OBSL1: variants seen among roughly 807,000 people sequenced by gnomAD.
OBSL1 encodes obscurin-like protein 1.
A neutral mutation model predicts 172.0 loss-of-function variants in OBSL1; 160 were observed. The observed-to-expected ratio is 0.93, with a 90% CI of 0.82 to 1.06. The LOEUF (loss-of-function observed/expected upper bound fraction) is 1.06, where lower values mean the gene tolerates loss of function less well. OBSL1 is among the 50% of genes least tolerant of loss of function. The pLI, the probability that OBSL1 is intolerant of heterozygous loss-of-function variation, is 0.00. For missense variants in OBSL1, 2,681 were observed against 2,715.4 expected (o/e 0.99, Z 0.28); for synonymous variants, 1,200 against 1,196.3 (o/e 1.00, Z -0.06).
intron 20 of OBSL1, chr2:219,551,316 C>G: frequency 7.1e-7 from 1 of 1,412,778 alleles, no homozygotes; most frequent in Non-Finnish European, 9.2e-7. Context: ...AAGGTGGGAA[C>G]AGCTGACCAG....
chr2:219,569,405 T>G (rs1369410477), intron 1 of OBSL1: 1 of 152,252 alleles, frequency 6.6e-6, no homozygotes, highest in Non-Finnish European at 1.5e-5. Context: ...TGTACTCTTT[T>G]GCGTTGTGAT....
rs371105413 is a variant in OBSL1 at position 219,560,831 on chromosome 2, G to A, written c.2954-1334C>T. On this transcript the variant is annotated intron_variant, in intron 8 of 20. Coordinates refer to ENST00000404537, the MANE Select transcript of OBSL1 (RefSeq NM_015311.3). Reference sequence around the variant, plus strand: ...CAGAATGCAGCTGCCTGAGGAGTGGGGAAGGTGATGAGGGCAGTGGGGTGA... The same window carrying A: ...CAGAATGCAGCTGCCTGAGGAGTGGAGAAGGTGATGAGGGCAGTGGGGTGA... Among the ~76,000 whole-genome samples the A allele has an allele frequency of 3.3e-5, 5 of 152,348 alleles. No individual in the cohort carries two copies. In the East Asian group the frequency reaches 9.6e-4, roughly 29 times the overall value.
chr2:219,547,986 G>A (rs758449324), downstream of OBSL1: 5 of 1,587,030 alleles, frequency 3.2e-6, no homozygotes, highest in South Asian at 3.4e-5. Flanking sequence ...CTCTGCTGGC[G>A]AAGCTGGGCC....
In OBSL1 at chr2:219,571,374, C is replaced by G. The variant is rs919944759; in HGVS notation, c.-142G>C. 3 of 453,852 alleles carry G rather than the reference C, an allele frequency of 6.6e-6. No individual in the cohort carries two copies. Among genetic ancestry groups the G allele is most frequent in the Non-Finnish European group, 1.0e-5 (3 of 289,428 alleles). The allele number at this position is 453,852 out of a possible 1,614,324, so 28.1% of individuals were successfully genotyped here. A position where few individuals can be genotyped will look rare whatever the true frequency, so the allele number is the denominator to read the frequency against. On this transcript the variant is annotated 5_prime_UTR_variant, in exon 1 of 21. Coordinates refer to ENST00000404537, the MANE Select transcript of OBSL1 (RefSeq NM_015311.3). ...CCGCGGAGCTCTCCCGGGCCTCCCG[C>G]TCCCGGCTCGCCTCCTTACCCTCGG...
rs202163376 is a variant in OBSL1, at chr2:219,559,340, C to T, written c.3111G>A (p.Leu1037=). The T allele has an allele frequency of 5.6e-6, 9 of 1,614,008 alleles. No individual in the cohort carries two copies. The African/African-American group carries it at 1.1e-4, about 19-fold the overall frequency. The change falls in exon 9 of 21, where the codon CTG becomes CTA. Residue 1037 remains leucine, a synonymous_variant. Coordinates refer to ENST00000404537, the MANE Select transcript of OBSL1 (RefSeq NM_015311.3). ...LEVEESEALV[L]ERDGPRCRLV... is the part of the protein sequence containing the mutation. Reference sequence around the variant, plus strand: ...GGCGGCAGCGTGGCCCATCCCTCTCCAGCACCAGGGCCTCGCTCTCCTCCA... The same window carrying T: ...GGCGGCAGCGTGGCCCATCCCTCTCTAGCACCAGGGCCTCGCTCTCCTCCA...
In OBSL1 at chr2:219,551,442, T is replaced by C. The variant is rs6761575; in HGVS notation, c.5683+87A>G. On this transcript the variant is annotated intron_variant, in intron 20 of 20. Transcript: ENST00000404537. ...CCCAGGACCCGTTGCCACCCCAAGT[T>C]CTGGAAAGCCTCCCATAGGTGTGGC... The C allele has an allele frequency of 0.98, 1,424,388 of 1,447,860 alleles. 701,902 individuals carry two copies. The highest frequency in any genetic ancestry group is 1 in the East Asian group (39,860 of 39,862). 89.7% of individuals were successfully genotyped at this position (1,447,860 alleles called of 1,614,324 possible).
chr2:219,550,001 A>C, downstream of OBSL1: 1 of 1,143,848 alleles, frequency 8.7e-7, no homozygotes, highest in Non-Finnish European at 1.2e-6. Context: ...GGATTGTCTC[A>C]GGCGAGTCTT....
rs1283610586 is a variant in OBSL1 at position 219,567,418 on chromosome 2, A to T, written c.1692T>A (p.Ile564=). The T allele has an allele frequency of 6.2e-7, 1 of 1,613,172 alleles. No individual in the cohort carries two copies. Among genetic ancestry groups the T allele is most frequent in the East Asian group, 2.2e-5 (1 of 44,852 alleles). ...CGGCTTTCTCGATGCTGAAGCACTG[A>T]ATCCAGTCTTCAGAGCCCACTTCCT... The part of the protein sequence containing the change: ...ERQEVGSEDW[I]QCFSIEKAGA... The change falls in exon 4 of 21, where the codon ATT becomes ATA. Residue 564 remains isoleucine, a synonymous_variant. Coordinates refer to ENST00000404537, the MANE Select transcript of OBSL1 (RefSeq NM_015311.3).
rs1280870452 is a variant in OBSL1, at chr2:219,567,374, C to T, written c.1736G>A (p.Gly579Asp). The change falls in exon 4 of 21, where the codon GGC (glycine) becomes GAC (aspartate). Residue 579 changes from glycine (G) to aspartate (D), a missense_variant. By Grantham distance (94) the Gly-to-Asp change is moderately conservative (BLOSUM62 -1). Around this residue, in one of 5 missense-constraint regions of OBSL1, gnomAD observed 706 missense variants for 695.8 expected, o/e 1.01. Transcript: ENST00000404537. ...IEKAGAVEVP[G>D]DCVPSEGDYR... ...GTCACCCTCGGAGGGCACACAGTCG[C>T]CCGGCACCTCCACGGCTCCGGCTTT... 1.9e-5 allele frequency: 31 copies of T among 1,612,960 alleles called. No homozygotes were observed. Among genetic ancestry groups the T allele is most frequent in the Non-Finnish European group, 2.6e-5 (31 of 1,179,452 alleles).
At chr2:219,551,941 A>C (rs1695641598) in intron 19 of OBSL1, 143 bp from the exon 20 acceptor site, 3 of 880,626 alleles carry the variant, frequency 3.4e-6, no homozygotes, top group Non-Finnish European at 5.3e-6. Context: ...TCAGACCCAA[A>C]GTCTCCTCTT....
At position 219,552,653 on chromosome 2, in the gene OBSL1, G is replaced by C. The variant is rs958942749; in HGVS notation, c.5191C>G (p.Arg1731Gly). ...TCGAACGTAGCGCCGTCGCCTTCGCGGGCGCTCACCGACCGCAGCTCGGAG... is the reference window on the plus strand; with the variant it reads ...TCGAACGTAGCGCCGTCGCCTTCGCCGGCGCTCACCGACCGCAGCTCGGAG... ...VLSELRSVSA[R>G]EGDGATFECT... Residue 1731 changes from arginine to glycine, a missense_variant, in exon 18 of 21, where the codon CGC (arginine) becomes GGC (glycine). Around this residue, in one of 5 missense-constraint regions of OBSL1, gnomAD observed 1,765 missense variants for 1,748.3 expected, o/e 1.01. Coordinates refer to ENST00000404537, the MANE Select transcript of OBSL1 (RefSeq NM_015311.3). 6.5e-7 allele frequency: 1 copy of C among 1,545,056 alleles called. No individual in the cohort carries two copies. Among genetic ancestry groups the C allele is most frequent in the South Asian group, 1.2e-5 (1 of 85,140 alleles).
At chr2:219,561,495 C>A (rs1039822572) in intron 8 of OBSL1, among the ~76,000 whole-genome samples, 1 of 152,132 alleles carries the variant, frequency 6.6e-6, no homozygotes, top group Non-Finnish European at 1.5e-5. Flanking sequence ...GGCTCCCAGC[C>A]CCAGGGTCCC....
chr2:219,567,545 A>G lies in OBSL1; in HGVS notation c.1565T>C (p.Ile522Thr), dbSNP rs374402325. The G allele has an allele frequency of 4.1e-5, 66 of 1,612,404 alleles. No individual in the cohort carries two copies. The highest frequency in any genetic ancestry group is 5.5e-5 in the Non-Finnish European group (65 of 1,178,918). The change falls in exon 4 of 21, where the codon ATA becomes ACA. Residue 522 changes from isoleucine to threonine, a missense_variant. Physicochemically the swap from Ile to Thr is moderately conservative, Grantham distance 89. Coordinates refer to ENST00000404537, the MANE Select transcript of OBSL1 (RefSeq NM_015311.3). ...GTGGCCCTTGAACATCTCTGCCAATATGGGGGGTCCTGGGGGACTGTGCTT... is the reference window on the plus strand; with the variant it reads ...GTGGCCCTTGAACATCTCTGCCAATGTGGGGGGTCCTGGGGGACTGTGCTT... ...CVKHSPPGPP[I>T]LAEMFKGHKN...
Position 219,557,342 on chromosome 2 carries a change from C to G in OBSL1, c.4066+1G>C. The G allele has an allele frequency of 1.3e-6, 2 of 1,491,332 alleles. No homozygotes were observed. The highest frequency in any genetic ancestry group is 9.0e-7 in the Non-Finnish European group (1 of 1,114,922). 92.4% of individuals were successfully genotyped at this position (1,491,332 alleles called of 1,614,324 possible). A position where few individuals can be genotyped will look rare whatever the true frequency, so the allele number is the denominator to read the frequency against. On this transcript the variant is annotated splice_donor_variant, in intron 12 of 20. Transcript: ENST00000404537. LOFTEE classifies it high-confidence loss of function. ...ACAGGGTGTGAGGGGTACACTGTTA[C>G]CTTCCACGCTGACAAGGAAGATGCG...
chr2:219,570,291 A>C lies in OBSL1; in HGVS notation c.942T>G (p.Arg314=), dbSNP rs1697243487. ...TGCGCGCGGCGCAGACGTAGAGCCC[A>C]CGATCCTTGGCCTGGCAGTAAAGCA... is the stretch of plus-strand genomic sequence containing the variant. ...LKVLYCQAKD[R]GLYVCAARNS... The change falls in exon 1 of 21, where the codon CGT becomes CGG. Residue 314 remains arginine (R), a synonymous_variant. Coordinates refer to ENST00000404537, the MANE Select transcript of OBSL1 (RefSeq NM_015311.3). 6.2e-7 allele frequency: 1 copy of C among 1,608,798 alleles called. No individual in the cohort carries two copies.
chr2:219,559,251 G>T lies in OBSL1; in HGVS notation c.3200C>A (p.Ser1067Ter). The T allele has an allele frequency of 6.2e-7, 1 of 1,609,672 alleles. No individual in the cohort carries two copies. The highest frequency in any genetic ancestry group is 8.5e-7 in the Non-Finnish European group (1 of 1,176,504). Residue 1067 changes from serine to a stop codon, truncating the protein, a stop_gained, in exon 9 of 21, where the codon TCG (serine) becomes TAG (stop). Transcript: ENST00000404537. LOFTEE classifies it high-confidence loss of function. ...GEFVCDAGDD[S>*]AFFTVTVTAP... is the part of the protein sequence containing the mutation. Reference sequence around the variant, plus strand: ...TGTGACAGTGACAGTGAAGAAGGCCGAGTCATCTCCAGCATCACATACAAA... The same window carrying T: ...TGTGACAGTGACAGTGAAGAAGGCCTAGTCATCTCCAGCATCACATACAAA...
At chr2:219,564,775 A>AAAAG (rs1000286728) in intron 6 of OBSL1, among the ~76,000 whole-genome samples, 9 of 152,184 alleles carry the variant, frequency 5.9e-5, no homozygotes, top group Non-Finnish European at 8.8e-5. Flanking sequence ...TCATCTTAAA[A>AAAAG]AAAGAAAGAA....
chr2:219,563,306 G>C (rs1475287901), intron 7 of OBSL1, 49 bp downstream of exon 7: 1 of 1,500,004 alleles, frequency 6.7e-7, no homozygotes, highest in Non-Finnish European at 8.9e-7. Flanking sequence ...GTTCCAGTGG[G>C]AGCAGGGGCA....
In OBSL1 at chr2:219,568,352, G is replaced by C. The variant is rs1382186454; in HGVS notation, c.1013-28C>G. 3 of 1,574,160 alleles carry C rather than the reference G, an allele frequency of 1.9e-6. No individual in the cohort carries two copies. The South Asian group carries it at 3.5e-5, about 18-fold the overall frequency. On this transcript the variant is annotated intron_variant, in intron 1 of 20. Coordinates refer to ENST00000404537, the MANE Select transcript of OBSL1 (RefSeq NM_015311.3). This position sits in a 1 kb window ranked among gnomAD's most constrained non-coding sequence, Gnocchi z 4.1. ...GTGGAGAGGGGAGAGAGAGACAAGA[G>C]AGGGCTCTGGAGAAGGCCCAGACTA... is the stretch of plus-strand genomic sequence containing the variant.
Sources: gnomAD v4.1 joint callset for allele counts (sites outside exome capture counted in the v4.1 genomes callset) on GRCh38, gnomAD v4.1.1 for gene constraint, gnomAD v4.1.1 regional missense constraint, Gnocchi (gnomAD v3.1) non-coding constraint, MANE v1.5 for transcripts, NCBI Gene and HGNC (gene_info 2026-07-23, HGNC 2026-07-21) for gene names.